Variants in PCDHGA3 observed in about 807,000 individuals in gnomAD.
PCDHGA3 encodes protocadherin gamma-A3.
PCDHGA3 carries 40 observed loss-of-function variants against 58.5 expected under a neutral mutation model. The ratio of observed to expected loss-of-function variants is 0.68; its 90% CI spans 0.53 to 0.89. PCDHGA3 has a LOEUF of 0.89. PCDHGA3 is among the 40% of genes least tolerant of loss of function. The pLI is 0.00. For synonymous variants in PCDHGA3, 530 were observed against 525.7 expected (o/e 1.01, Z -0.11); for missense variants, 1,223 against 1,195.9 (o/e 1.02, Z -0.33).
rs148433768 is a variant in PCDHGA3 at position 141,385,635 on chromosome 5, C to T, written c.2424+39178C>T. 5.7e-6 allele frequency: 5 copies of T among 870,078 alleles called. No homozygotes were observed. The African/African-American group carries it at 8.9e-5, about 15-fold the overall frequency. 53.9% of individuals were successfully genotyped at this position (870,078 alleles called of 1,614,324 possible). A position where few individuals can be genotyped will look rare whatever the true frequency, so the allele number is the denominator to read the frequency against. On this transcript the variant is annotated intron_variant, in intron 1 of 3. Transcript: ENST00000253812. ...TTTTATACATTGGAATGAATCGAGT[C>T]TTTCATATTGCACAAGGTTAGCAGG...
In PCDHGA3 at chr5:141,487,934, C is replaced by T; in HGVS notation, c.2425-6873C>T. 4.9e-6 allele frequency: 3 copies of T among 607,674 alleles called. No homozygotes were observed. The highest frequency in any genetic ancestry group is 2.1e-5 in the South Asian group (1 of 48,014). 37.6% of individuals were successfully genotyped at this position (607,674 alleles called of 1,614,324 possible). Reference sequence around the variant, plus strand: ...ACAGGAGGCTACAGTGCACAGGGTACAGTGCACCAGGCAGTCACTTGGACA... The same window carrying T: ...ACAGGAGGCTACAGTGCACAGGGTATAGTGCACCAGGCAGTCACTTGGACA... On this transcript the variant is annotated intron_variant, in intron 1 of 3. Transcript: ENST00000253812. This position sits in a 1 kb window ranked among gnomAD's most constrained non-coding sequence, Gnocchi z 5.0.
At position 141,356,736 on chromosome 5, in the gene PCDHGA3, G is replaced by A. The variant is rs748701559; in HGVS notation, c.2424+10279G>A. The A allele has an allele frequency of 4.3e-6, 7 of 1,613,970 alleles. No individual in the cohort carries two copies. In the South Asian group the frequency reaches 5.5e-5, roughly 13 times the overall value. ...ATGTCTCCATCAACTCCAATACAGG[G>A]ATCCTATATGCTCTTTGCTCCTTCG... On this transcript the variant is annotated intron_variant, in intron 1 of 3. Transcript: ENST00000253812.
Position 141,490,845 on chromosome 5 carries a change from G to T in PCDHGA3, c.2425-3962G>T, listed in dbSNP as rs748605746. The T allele has an allele frequency of 1.4e-5, 22 of 1,613,726 alleles. No individual in the cohort carries two copies. The highest frequency in any genetic ancestry group is 1.7e-5 in the Non-Finnish European group (20 of 1,179,894). On this transcript the variant is annotated intron_variant, in intron 1 of 3. Coordinates refer to ENST00000253812, the MANE Select transcript of PCDHGA3 (RefSeq NM_018916.4). This position sits in a 1 kb window ranked among gnomAD's most constrained non-coding sequence, Gnocchi z 5.4. ...TGCAGATGCTGCAGATTGTGGTGGG[G>T]GTTCGAGACTCCGGCTCTCCCCCAT...
Position 141,432,683 on chromosome 5 carries a change from C to T in PCDHGA3, c.2425-62124C>T, listed in dbSNP as rs138402830. The T allele has an allele frequency of 4.8e-5, 78 of 1,613,968 alleles. No individual in the cohort carries two copies. In the African/African-American group the frequency reaches 9.5e-4, roughly 20 times the overall value. On this transcript the variant is annotated intron_variant, in intron 1 of 3. Transcript: ENST00000253812. The surrounding 1 kb of genome is among the most constrained non-coding windows in gnomAD (Gnocchi z 6.0). ...GGACAGAGACGCGCTCAAGCAGAGC[C>T]TCGTAGTGGCCGTCCAGGACCACGG...
At chr5:141,510,658 A>G (rs1162885805) in intron 3 of PCDHGA3, among the ~76,000 whole-genome samples, 1 of 152,178 alleles carries the variant, frequency 6.6e-6, no homozygotes, top group African/African-American at 2.4e-5. Context: ...CATTTTGCAG[A>G]TGAGAAAACT....
chr5:141,426,722 T>G (rs1022367359), intron 1 of PCDHGA3: 1 of 447,734 alleles, frequency 2.2e-6, no homozygotes, highest in Non-Finnish European at 4.6e-6. Context: ...AACTAGCAAT[T>G]CCAGGCATTC....
At position 141,432,807 on chromosome 5, in the gene PCDHGA3, ACT is replaced by A. The variant is rs542925824; in HGVS notation, c.2425-61997_2425-61996del. On this transcript the variant is annotated intron_variant, in intron 1 of 3. Coordinates refer to ENST00000253812, the MANE Select transcript of PCDHGA3 (RefSeq NM_018916.4). This position sits in a 1 kb window ranked among gnomAD's most constrained non-coding sequence, Gnocchi z 6.0. ...CTCGGCAGCCTCGAGTCTCCAGCTA[ACT>A]CTGAAACCTCAGACCTCACTCTGTA... 352 of 1,613,946 alleles carry A rather than the reference ACT, an allele frequency of 2.2e-4. 2 individuals carry two copies. The African/African-American group carries it at 4.2e-3, about 19-fold the overall frequency.
At position 141,432,143 on chromosome 5, in the gene PCDHGA3, C is replaced by A; in HGVS notation, c.2425-62664C>A. The A allele has an allele frequency of 6.2e-7, 1 of 1,614,084 alleles. No homozygotes were observed. Among genetic ancestry groups the A allele is most frequent in the South Asian group, 1.1e-5 (1 of 91,068 alleles). On this transcript the variant is annotated intron_variant, in intron 1 of 3. Transcript: ENST00000253812. The surrounding 1 kb of genome is among the most constrained non-coding windows in gnomAD (Gnocchi z 6.0). ...TCAGGCCTCCTATTCCGCTTATATC[C>A]CAGAGAACAATCCCAGAGGAGTTTC... is the stretch of plus-strand genomic sequence containing the variant.
Position 141,345,529 on chromosome 5 carries a change from C to T in PCDHGA3, c.1496C>T (p.Ala499Val). 1 of 1,614,166 alleles carries T rather than the reference C, an allele frequency of 6.2e-7. No homozygotes were observed. Among genetic ancestry groups the T allele is most frequent in the Non-Finnish European group, 8.5e-7 (1 of 1,180,014 alleles). ...TTGACCGAGGACACTCTCCAGGGGG[C>T]GCCCCTGTCCTCCTTCGTCTCTATC... The part of the protein sequence containing the change: ...YALTEDTLQG[A>V]PLSSFVSINS... Residue 499 changes from alanine to valine, a missense_variant, in exon 1 of 4, where the codon GCG becomes GTG. Transcript: ENST00000253812.
At chr5:141,383,567 C>T in intron 1 of PCDHGA3, 1 of 1,613,214 alleles carries the variant, frequency 6.2e-7, no homozygotes, top group Non-Finnish European at 8.5e-7. Context: ...CCGCCCCGAT[C>T]CAGCACCGCC....
intron 1 of PCDHGA3, among the ~76,000 whole-genome samples, chr5:141,435,651 C>T (rs762264332): frequency 1.4e-4 from 22 of 152,044 alleles, no homozygotes; most frequent in Non-Finnish European, 2.9e-4. Flanking sequence ...ATTTCTGAAA[C>T]GTGCACAGAT....
chr5:141,421,418 G>C, intron 1 of PCDHGA3: 1 of 1,614,086 alleles, frequency 6.2e-7, no homozygotes, highest in Middle Eastern at 1.7e-4. Context: ...GCGAAGCGCG[G>C]AGTCCGCATC....
At chr5:141,439,124 CAG>C (rs2098089371) in intron 1 of PCDHGA3, among the ~76,000 whole-genome samples, 1 of 150,004 alleles carries the variant, frequency 6.7e-6, no homozygotes, top group Non-Finnish European at 1.5e-5. Flanking sequence ...ACCCGGGAGA[CAG>C]AGGTTGCAGT....
chr5:141,489,894 G>A lies in PCDHGA3; in HGVS notation c.2425-4913G>A, dbSNP rs942456058. 33 of 1,614,204 alleles carry A rather than the reference G, an allele frequency of 2.0e-5. No individual in the cohort carries two copies. The highest frequency in any genetic ancestry group is 2.4e-5 in the Non-Finnish European group (28 of 1,180,028). Reference sequence around the variant, plus strand: ...TGGTGCTTACTGCTGTGGATGGGGGGACCCCAGCCCGCTCAGGGACCACCC... The same window carrying A: ...TGGTGCTTACTGCTGTGGATGGGGGAACCCCAGCCCGCTCAGGGACCACCC... On this transcript the variant is annotated intron_variant, in intron 1 of 3. Coordinates refer to ENST00000253812, the MANE Select transcript of PCDHGA3 (RefSeq NM_018916.4). This position sits in a 1 kb window ranked among gnomAD's most constrained non-coding sequence, Gnocchi z 4.5.
chr5:141,345,183 GTTTT>G lies in PCDHGA3; in HGVS notation c.1152_1155del (p.Phe385SerfsTer9), dbSNP rs758420424. The G allele has an allele frequency of 1.9e-6, 3 of 1,614,026 alleles. No homozygotes were observed. Among genetic ancestry groups the G allele is most frequent in the Non-Finnish European group, 2.5e-6 (3 of 1,179,902 alleles). Reference sequence around the variant, plus strand: ...TTCTGGGCAGAATGGGCAGGTTGAAGTTTTTGTCCTGGGAAATCTGCCATTTAAG... The same window carrying G: ...TTCTGGGCAGAATGGGCAGGTTGAAGTGTCCTGGGAAATCTGCCATTTAAG... On this transcript the variant is annotated frameshift_variant, in exon 1 of 4. Transcript: ENST00000253812. LOFTEE classifies it high-confidence loss of function.
chr5:141,345,659 C>G lies in PCDHGA3; in HGVS notation c.1626C>G (p.Leu542=). 1 of 1,614,240 alleles carries G rather than the reference C, an allele frequency of 6.2e-7. No homozygotes were observed. The part of the protein sequence containing the change: ...VTASDSGNPP[L]SSNVSLNLFV... ...CCAGCGACAGCGGGAACCCTCCACT[C>G]AGCAGCAACGTGTCGCTGAACCTGT... is the stretch of plus-strand genomic sequence containing the variant. Residue 542 remains leucine (L), a synonymous_variant, in exon 1 of 4, where the codon CTC becomes CTG. Transcript: ENST00000253812.
intron 1 of PCDHGA3, chr5:141,384,918 C>T: frequency 6.2e-7 from 1 of 1,613,954 alleles, no homozygotes; most frequent in South Asian, 1.1e-5. Context: ...AAGTCTTGGC[C>T]GACCTGGGCA....
chr5:141,427,483 A>G lies in PCDHGA3; in HGVS notation c.2425-67324A>G, dbSNP rs759092057. The G allele has an allele frequency of 1.5e-4, 79 of 535,350 alleles. 2 individuals carry two copies. The highest frequency in any genetic ancestry group is 1.1e-3 in the South Asian group (73 of 65,268). 33.2% of individuals were successfully genotyped at this position (535,350 alleles called of 1,614,324 possible). ...ATCGAATCTTCCGCCAATAATGACT[A>G]TAAGCTTGTAACAGATGGGACCCTG... On this transcript the variant is annotated intron_variant, in intron 1 of 3. Coordinates refer to ENST00000253812, the MANE Select transcript of PCDHGA3 (RefSeq NM_018916.4).
chr5:141,418,906 C>T, intron 1 of PCDHGA3: 1 of 1,613,908 alleles, frequency 6.2e-7, no homozygotes, highest in Non-Finnish European at 8.5e-7. Flanking sequence ...AAATAATCAT[C>T]ACGTCACTCT....
Sources: gnomAD v4.1 joint callset for allele counts (sites outside exome capture counted in the v4.1 genomes callset) on GRCh38, gnomAD v4.1.1 for gene constraint, Gnocchi (gnomAD v3.1) non-coding constraint, MANE v1.5 for transcripts, NCBI Gene and HGNC (gene_info 2026-07-23, HGNC 2026-07-21) for gene names.